The following CAST variants were observed in gnomAD, a reference collection of about 807,000 sequenced individuals.
CAST encodes calpastatin.
In CAST, 76 loss-of-function variants were observed where a neutral mutation model predicts 119.6. That is an observed-to-expected ratio of 0.64 (90% CI 0.53 to 0.77). The LOEUF is 0.77. Among genes scored for constraint, CAST ranks in the 30% least tolerant of loss-of-function variants. CAST has a pLI of 0.00. For synonymous variants in CAST, 319 were observed against 331.6 expected (o/e 0.96, Z 0.41); for missense variants, 953 against 946.5 (o/e 1.01, Z -0.09).
At chr5:96,396,015 T>C in the CAST span, among the ~76,000 whole-genome samples, 1,398 of 152,276 alleles carry the variant, frequency 9.2e-3, 16 homozygotes, top group African/African-American at 0.032. Context: ...CCTTGGTAAA[T>C]AGATTTTCTT....
intron 1 of CAST, among the ~76,000 whole-genome samples, chr5:96,667,498 T>A (rs1326512658): frequency 1.3e-5 from 2 of 152,188 alleles, no homozygotes; most frequent in African/African-American, 4.8e-5. Context: ...TTACTTCAGG[T>A]GAATCCCAGG....
At chr5:96,423,608 A>C in the CAST span, 1 of 747,646 alleles carries the variant, frequency 1.3e-6, no homozygotes, top group Non-Finnish European at 2.3e-6. Context: ...ATGAGAAAAC[A>C]AAGTTGAGAG....
the CAST span, among the ~76,000 whole-genome samples, chr5:96,215,689 C>T: frequency 2.0e-5 from 3 of 152,162 alleles, no homozygotes; most frequent in East Asian, 1.9e-4. Context: ...CAAGACCAAC[C>T]GTTCCTCTTC....
chr5:96,680,366 AAAAAAAAAAAAAAG>A (rs1185080042), intron 2 of CAST, among the ~76,000 whole-genome samples: 2 of 136,620 alleles, frequency 1.5e-5, no homozygotes, highest in African/African-American at 5.8e-5. Flanking sequence ...AAAAAAAAAA[AAAAAAAAAAAAAAG>A]AAGAAGAAGA....
At chr5:96,309,439 G>A in the CAST span, among the ~76,000 whole-genome samples, 3 of 152,200 alleles carry the variant, frequency 2.0e-5, no homozygotes, top group African/African-American at 7.2e-5. Context: ...CCTGGCTTCA[G>A]CCCTCTTTCC....
chr5:96,207,174 T>A, the CAST span, among the ~76,000 whole-genome samples: 2 of 152,118 alleles, frequency 1.3e-5, no homozygotes, highest in Admixed American at 1.3e-4. Flanking sequence ...TTTGCTGAAG[T>A]TGTTTATCAG....
intron 3 of CAST, among the ~76,000 whole-genome samples, chr5:96,701,603 G>A (rs1753895876): frequency 6.6e-6 from 1 of 152,018 alleles, no homozygotes; most frequent in South Asian, 2.1e-4. Context: ...TCAGGAGTTC[G>A]AGACCAGCCT....
the CAST span, among the ~76,000 whole-genome samples, chr5:96,356,379 T>A: frequency 2.6e-5 from 4 of 152,228 alleles, no homozygotes; most frequent in Non-Finnish European, 5.9e-5. Flanking sequence ...TGCAATTGCT[T>A]TAGGTGTTTC....
chr5:96,569,817 T>C (rs1164227597), intron 1 of CAST, among the ~76,000 whole-genome samples: 23 of 152,254 alleles, frequency 1.5e-4, no homozygotes, highest in Non-Finnish European at 5.9e-5. Context: ...ATTGTTTTAC[T>C]GTTTATTGCC....
the CAST span, among the ~76,000 whole-genome samples, chr5:96,145,559 G>A: frequency 1.3e-5 from 2 of 152,092 alleles, no homozygotes; most frequent in Non-Finnish European, 1.5e-5. Context: ...CCAAAGGAGA[G>A]GGAAATATTA....
the CAST span, among the ~76,000 whole-genome samples, chr5:96,454,490 C>T: frequency 1.5e-4 from 23 of 152,310 alleles, no homozygotes; most frequent in African/African-American, 5.1e-4. Context: ...TCTCATGACA[C>T]CCTAATATTT....
the CAST span, among the ~76,000 whole-genome samples, chr5:96,450,074 GGAAAA>G: frequency 6.6e-6 from 1 of 152,102 alleles, no homozygotes; most frequent in African/African-American, 2.4e-5. Flanking sequence ...TCTCCCCAAA[GGAAAA>G]GAAATCATTT....
At chr5:96,108,365 T>C in the CAST span, among the ~76,000 whole-genome samples, 1 of 152,226 alleles carries the variant, frequency 6.6e-6, no homozygotes, top group Non-Finnish European at 1.5e-5. Flanking sequence ...TTATCTACTT[T>C]TGGTCTTTAA....
chr5:96,479,867 A>G, the CAST span, among the ~76,000 whole-genome samples: 1 of 152,142 alleles, frequency 6.6e-6, no homozygotes, highest in Non-Finnish European at 1.5e-5. Flanking sequence ...AAGAAGAGTA[A>G]TATTTTAACA....
chr5:96,770,637 T>C, intron 30 of CAST, 35 bp downstream of exon 30: 1 of 1,361,108 alleles, frequency 7.3e-7, no homozygotes, highest in Non-Finnish European at 1.1e-6. Context: ...CAAATTAGTT[T>C]AGCAGTTACA....
chr5:96,159,060 T>C, the CAST span, among the ~76,000 whole-genome samples: 1 of 152,224 alleles, frequency 6.6e-6, no homozygotes, highest in Non-Finnish European at 1.5e-5. Context: ...AGGAGCCCCC[T>C]GGAATTTGAT....
At chr5:96,115,119 G>T in the CAST span, among the ~76,000 whole-genome samples, 1 of 152,090 alleles carries the variant, frequency 6.6e-6, no homozygotes, top group Non-Finnish European at 1.5e-5. Flanking sequence ...ATTCTTTCTT[G>T]TCTGAAGAAC....
At chr5:96,206,614 A>G in the CAST span, among the ~76,000 whole-genome samples, 1 of 152,094 alleles carries the variant, frequency 6.6e-6, no homozygotes, top group Non-Finnish European at 1.5e-5. Flanking sequence ...AGATGGTTGT[A>G]GGTGTGCGGC....
chr5:96,105,335 C>T, the CAST span, among the ~76,000 whole-genome samples: 1 of 152,184 alleles, frequency 6.6e-6, no homozygotes, highest in Admixed American at 6.5e-5. Flanking sequence ...GGAATGCATC[C>T]AGTTTTTGTC....
Sources: allele counts gnomAD v4.1 joint callset (sites outside exome capture counted in the v4.1 genomes callset), GRCh38; gene constraint gnomAD v4.1.1; transcripts MANE v1.5; gene names NCBI Gene and HGNC (gene_info 2026-07-23, HGNC 2026-07-21).